SUPT6H: variants seen among roughly 807,000 people sequenced by gnomAD.
SUPT6H encodes the protein SPT6 homolog, histone chaperone and transcription elongation factor, also known as transcription elongation factor SPT6.
SUPT6H carries 11 observed loss-of-function variants against 222.3 expected under a neutral mutation model. The observed-to-expected ratio is 0.05, with a 90% CI of 0.03 to 0.08. SUPT6H has a LOEUF of 0.08. Ranked by LOEUF, SUPT6H falls within the 10% of genes least tolerant of loss-of-function variation. SUPT6H has a pLI of 1.00. For missense variants in SUPT6H, 1,422 were observed against 2,216.0 expected, an observed-to-expected ratio of 0.64 and a Z score of 7.19; for synonymous variants, 762 against 801.2, an observed-to-expected ratio of 0.95 and a Z score of 0.83.
chr17:28,696,348 G>A (rs181443800), intron 29 of SUPT6H, among the ~76,000 whole-genome samples: 1 of 149,006 alleles, frequency 6.7e-6, no homozygotes, highest in Non-Finnish European at 1.5e-5. Flanking sequence ...TGTAATCCTA[G>A]CACTTTGGGA....
At chr17:28,668,090 G>A (rs746153628) in intron 1 of SUPT6H, among the ~76,000 whole-genome samples, 16 of 152,192 alleles carry the variant, frequency 1.1e-4, no homozygotes, top group Non-Finnish European at 1.8e-4. Context: ...TCCAGCGAAT[G>A]TCATGGTAAC....
rs778787583 is a variant in SUPT6H at position 28,683,820 on chromosome 17, A to C, written c.2229+4A>C. 2.9e-5 allele frequency: 46 copies of C among 1,599,290 alleles called. No individual in the cohort carries two copies. The South Asian group carries it at 5.0e-4, about 18-fold the overall frequency. ...AGCCAAGGAATATGTCATAAAGGTGAGGACAGAGACTCATGATTTTTTTTT... is the reference window on the plus strand; with the variant it reads ...AGCCAAGGAATATGTCATAAAGGTGCGGACAGAGACTCATGATTTTTTTTT... On this transcript the variant is annotated splice_donor_region_variant and intron_variant, in intron 17 of 36. Transcript: ENST00000314616.
At chr17:28,689,248 A>G (rs1383270955) in intron 24 of SUPT6H, 106 bp from the exon 25 acceptor site, 6 of 994,606 alleles carry the variant, frequency 6.0e-6, no homozygotes, top group Non-Finnish European at 9.2e-6. Flanking sequence ...ATTCCATTGT[A>G]TGGAGGTGCC....
rs182501709 is a variant in SUPT6H at position 28,672,802 on chromosome 17, A to C, written c.-31-569A>C. 2.6e-5 allele frequency: 4 copies of C among 152,138 alleles called. No individual in the cohort carries two copies. The East Asian group carries it at 7.8e-4, about 30-fold the overall frequency. The allele number at this position is 152,138 out of a possible 1,614,324, so 9.4% of individuals were successfully genotyped here. On this transcript the variant is annotated intron_variant, in intron 1 of 36. Transcript: ENST00000314616. ...TCTGCAACCTCCACCTTCCGGATTCAAGAGATTCTCCTGCCTCAGCCTCCT... is the reference window on the plus strand; with the variant it reads ...TCTGCAACCTCCACCTTCCGGATTCCAGAGATTCTCCTGCCTCAGCCTCCT...
At chr17:28,689,670 C>A in intron 25 of SUPT6H, 109 bp downstream of exon 25, 1 of 1,047,258 alleles carries the variant, frequency 9.5e-7, no homozygotes, top group East Asian at 2.5e-5. Context: ...GTTAGTATGG[C>A]AGACTTGATC....
intron 1 of SUPT6H, chr17:28,671,191 A>G (rs1373888718): frequency 6.6e-6 from 1 of 152,094 alleles, no homozygotes; most frequent in Non-Finnish European, 1.5e-5. Context: ...CTCCCCTCCC[A>G]CTGCCATCTT....
chr17:28,699,196 A>G (rs2032040685), intron 32 of SUPT6H, among the ~76,000 whole-genome samples: 1 of 152,038 alleles, frequency 6.6e-6, no homozygotes, highest in Admixed American at 6.6e-5. Flanking sequence ...CCTCACACCC[A>G]CCCCATAGGC....
rs1315497951 is a variant in SUPT6H at position 28,695,551 on chromosome 17, AGT to A, written c.3970+8_3970+9del. 1 of 1,612,100 alleles carries A rather than the reference AGT, an allele frequency of 6.2e-7. No homozygotes were observed. The highest frequency in any genetic ancestry group is 1.3e-5 in the African/African-American group (1 of 74,852). Reference sequence around the variant, plus strand: ...AAGCGGAAGCAGCAGCGGACCAGTGAGTGTGCCTCCCACCATCTCTGTGCACC... The same window carrying A: ...AAGCGGAAGCAGCAGCGGACCAGTGAGTGCCTCCCACCATCTCTGTGCACC... On this transcript the variant is annotated splice_donor_5th_base_variant and intron_variant, in intron 29 of 36. Transcript: ENST00000314616.
chr17:28,701,345 A>G (rs1480399786), intron 36 of SUPT6H, 94 bp from the exon 37 acceptor site: 2 of 1,500,824 alleles, frequency 1.3e-6, no homozygotes, highest in East Asian at 4.5e-5. Context: ...GCTGCTGCCC[A>G]TAGGTATGAG....
chr17:28,679,302 G>A (rs1310282351), intron 11 of SUPT6H, among the ~76,000 whole-genome samples: 1 of 152,134 alleles, frequency 6.6e-6, no homozygotes, highest in South Asian at 2.1e-4. Flanking sequence ...GAACCTGGGA[G>A]GCGGAGGTTG....
chr17:28,693,210 C>T (rs1436370075), intron 27 of SUPT6H, among the ~76,000 whole-genome samples: 2 of 152,054 alleles, frequency 1.3e-5, no homozygotes, highest in African/African-American at 4.8e-5. Flanking sequence ...CCTGTAATCC[C>T]AGCACTTTGG....
Position 28,682,821 on chromosome 17 carries a change from G to C in SUPT6H, c.1692G>C (p.Ala564=). The C allele has an allele frequency of 6.2e-7, 1 of 1,614,162 alleles. No individual in the cohort carries two copies. Among genetic ancestry groups the C allele is most frequent in the Non-Finnish European group, 8.5e-7 (1 of 1,180,026 alleles). The change falls in exon 14 of 37, where the codon GCG becomes GCC. Residue 564 remains alanine, a synonymous_variant. Transcript: ENST00000314616. ...YQRHETEQFP[A]EPLELAKDYV... ...GGCACGAGACAGAGCAGTTTCCCGC[G>C]GAGCCCTTGGAGCTGGCCAAGGATT...
At chr17:28,662,735 A>C (rs1464182534) in intron 1 of SUPT6H, among the ~76,000 whole-genome samples, 1 of 152,248 alleles carries the variant, frequency 6.6e-6, no homozygotes, top group Non-Finnish European at 1.5e-5. Flanking sequence ...AGCTTTCAGC[A>C]GCTCGGCCAT....
rs938470828 is a variant in SUPT6H, at chr17:28,700,178, A to G, written c.4567A>G (p.Thr1523Ala). 1 of 1,614,054 alleles carries G rather than the reference A, an allele frequency of 6.2e-7. No homozygotes were observed. The highest frequency in any genetic ancestry group is 8.5e-7 in the Non-Finnish European group (1 of 1,179,990). Residue 1523 changes from threonine to alanine, a missense_variant, in exon 34 of 37, where the codon ACC becomes GCC. By Grantham distance (58) the Thr-to-Ala change is moderately conservative. Around this residue, in one of 13 missense-constraint regions of SUPT6H, gnomAD observed 395 missense variants for 580.6 expected, o/e 0.68. Coordinates refer to ENST00000314616, the MANE Select transcript of SUPT6H (RefSeq NM_003170.5). ...DHYQDPVPGI[T>A]PSSSSRTRTP... is the part of the protein sequence containing the mutation. ...TAAATAATCACTTCCTGCAGGCATC[A>G]CCCCTAGCAGCAGCAGCAGGACCCG... is the stretch of plus-strand genomic sequence containing the variant.
chr17:28,667,137 G>A (rs186005722), intron 1 of SUPT6H, among the ~76,000 whole-genome samples: 28 of 150,980 alleles, frequency 1.9e-4, no homozygotes, highest in African/African-American at 6.3e-4. Flanking sequence ...AGGCTGAGAC[G>A]GGCGGATCAC....
Position 28,700,156 on chromosome 17 carries a change from ATAATC to A in SUPT6H, c.4562-16_4562-12del. ...TAGGTTTCTGGAGGGATGTAACTAA[ATAATC>A]ACTTCCTGCAGGCATCACCCCTAGC... On this transcript the variant is annotated splice_polypyrimidine_tract_variant and intron_variant, in intron 33 of 36. Transcript: ENST00000314616. 3.1e-6 allele frequency: 5 copies of A among 1,614,090 alleles called. No homozygotes were observed. Among genetic ancestry groups the A allele is most frequent in the Non-Finnish European group, 4.2e-6 (5 of 1,180,000 alleles).
chr17:28,677,582 C>T, intron 7 of SUPT6H, 133 bp from the exon 8 acceptor site: 1 of 694,874 alleles, frequency 1.4e-6, no homozygotes, highest in East Asian at 2.5e-5. Context: ...CAGAACAACA[C>T]TGGTATGGCA....
intron 3 of SUPT6H, 23 bp from the exon 4 acceptor site, chr17:28,674,514 T>G (rs377342099): frequency 2.0e-5 from 33 of 1,614,076 alleles, no homozygotes; most frequent in South Asian, 4.4e-5. Context: ...CCCATCACCA[T>G]GGGCAACACT....
intron 1 of SUPT6H, among the ~76,000 whole-genome samples, chr17:28,667,436 T>TATATATATATATAC (rs56080250): frequency 7.6e-6 from 1 of 132,440 alleles, no homozygotes; most frequent in African/African-American, 2.8e-5. Context: ...TATATATATA[T>TATATATATATATAC]GTATGTGTGT....
Sources: allele counts gnomAD v4.1 joint callset (sites outside exome capture counted in the v4.1 genomes callset), GRCh38; gene constraint gnomAD v4.1.1; regional missense constraint gnomAD v4.1.1; transcripts MANE v1.5; gene names NCBI Gene and HGNC (gene_info 2026-07-23, HGNC 2026-07-21).